ITGA9: variants seen among roughly 807,000 people sequenced by gnomAD.
ITGA9 encodes integrin alpha-9.
In ITGA9, 56 loss-of-function variants were observed where a neutral mutation model predicts 127.8. That is an observed-to-expected ratio of 0.44 (90% confidence interval 0.35 to 0.55). The LOEUF is 0.55. Ranked by LOEUF, ITGA9 falls within the 20% of genes least tolerant of loss-of-function variation. The probability of loss-of-function intolerance (pLI) is 0.00; values close to 1 mark genes in which losing one functional copy is unlikely to be tolerated. For synonymous variants in ITGA9, 508 were observed against 514.5 expected, an observed-to-expected ratio of 0.99 and a Z score of 0.17; for missense variants, 1,196 against 1,347.1, an observed-to-expected ratio of 0.89 and a Z score of 1.76.
At chr3:37,711,251 T>C (rs1008485558) in intron 18 of ITGA9, among the ~76,000 whole-genome samples, 4 of 152,166 alleles carry the variant, frequency 2.6e-5, no homozygotes, top group Non-Finnish European at 4.4e-5. Context: ...GGGGCCTCAG[T>C]TCTTCAGTTC....
chr3:37,792,203 A>G (rs1185119830), intron 26 of ITGA9, among the ~76,000 whole-genome samples: 11 of 152,180 alleles, frequency 7.2e-5, no homozygotes, highest in Non-Finnish European at 1.5e-4. Flanking sequence ...ATATTTTCTA[A>G]TGGTCATCAT....
chr3:37,576,442 C>T (rs981919882), intron 15 of ITGA9, among the ~76,000 whole-genome samples: 9 of 152,150 alleles, frequency 5.9e-5, no homozygotes, highest in African/African-American at 2.2e-4. Flanking sequence ...TGAGAGATTT[C>T]AGTTACAACA....
chr3:37,596,315 C>T (rs1467237256), intron 15 of ITGA9, among the ~76,000 whole-genome samples: 1 of 152,142 alleles, frequency 6.6e-6, no homozygotes, highest in Non-Finnish European at 1.5e-5. Context: ...TTATCAACAT[C>T]GAAGGTACAG....
chr3:37,622,722 G>A (rs1700139543), intron 15 of ITGA9, among the ~76,000 whole-genome samples: 1 of 151,938 alleles, frequency 6.6e-6, no homozygotes, highest in African/African-American at 2.4e-5. Context: ...GTGTGTGCCT[G>A]AATTCCCAGC....
intron 17 of ITGA9, among the ~76,000 whole-genome samples, chr3:37,660,782 C>T (rs1700526279): frequency 6.6e-6 from 1 of 152,220 alleles, no homozygotes; most frequent in Admixed American, 6.5e-5. Context: ...TCAGCTGGAC[C>T]TTGGCTGATT....
intron 15 of ITGA9, among the ~76,000 whole-genome samples, chr3:37,557,712 T>G (rs1214333046): frequency 6.6e-6 from 1 of 152,222 alleles, no homozygotes; most frequent in African/African-American, 2.4e-5. Context: ...ATGCTACATG[T>G]TTTACATGTA....
rs193160476 is a variant in ITGA9, at chr3:37,613,184, A to G, written c.1690-16003A>G. 6.4e-3 allele frequency among the ~76,000 whole-genome samples: 965 copies of G among 150,026 alleles called. 5 individuals are homozygous for G. Among genetic ancestry groups the G allele is most frequent in the Non-Finnish European group, 9.8e-3 (666 of 67,718 alleles). Reference sequence around the variant, plus strand: ...TGTGTCCATGTGTTCTCATTGTTCAATTCCCACATATGAGTGAGAACATGC... The same window carrying G: ...TGTGTCCATGTGTTCTCATTGTTCAGTTCCCACATATGAGTGAGAACATGC... On this transcript the variant is annotated intron_variant, in intron 15 of 27. Transcript: ENST00000264741.
At chr3:37,472,825 CT>C (rs1210880431) in intron 2 of ITGA9, among the ~76,000 whole-genome samples, 3 of 152,138 alleles carry the variant, frequency 2.0e-5, no homozygotes, top group Non-Finnish European at 2.9e-5. Flanking sequence ...AATCAAGGCC[CT>C]GCCTCTTTCC....
At chr3:37,684,558 C>A in intron 18 of ITGA9, among the ~76,000 whole-genome samples, 1 of 152,210 alleles carries the variant, frequency 6.6e-6, no homozygotes, top group Non-Finnish European at 1.5e-5. Context: ...TCACTGCAAC[C>A]TCCACCTCCT....
At chr3:37,571,206 G>A (rs1559539465) in intron 15 of ITGA9, among the ~76,000 whole-genome samples, 1 of 146,306 alleles carries the variant, frequency 6.8e-6, no homozygotes, top group Non-Finnish European at 1.5e-5. Context: ...GAGATCTACT[G>A]GAGGCAGCGT....
chr3:37,646,077 C>T (rs1448670636), intron 16 of ITGA9, among the ~76,000 whole-genome samples: 1 of 152,212 alleles, frequency 6.6e-6, no homozygotes, highest in Non-Finnish European at 1.5e-5. Context: ...TCATTGAAAT[C>T]TTTTTTTTCC....
rs536123542 is a variant in ITGA9 at position 37,787,346 on chromosome 3, G to A, written c.2889+2268G>A. The stretch of plus-strand genomic sequence containing the variant: ...TTATAGGACTAGACTGTGGGATCCA[G>A]GAAAATGTTGCTTAACATCTCGTTG... On this transcript the variant is annotated intron_variant, in intron 26 of 27. Coordinates refer to ENST00000264741, the MANE Select transcript of ITGA9 (RefSeq NM_002207.3). 1.9e-4 allele frequency among the ~76,000 whole-genome samples: 29 copies of A among 152,238 alleles called. No homozygotes were observed. In the South Asian group the frequency reaches 5.2e-3, roughly 27 times the overall value.
Position 37,822,072 on chromosome 3 carries a change from C to T in ITGA9, c.*3083C>T, listed in dbSNP as rs1005663125. On this transcript the variant is annotated 3_prime_UTR_variant, in exon 28 of 28. Transcript: ENST00000264741. ...GGGAAGCAGATGGGGTGGATCAGTA[C>T]ATCTGTGTTACCCTTCCAGAATATT... 3 of 152,118 alleles carry T rather than the reference C, an allele frequency of 2.0e-5. No individual in the cohort carries two copies. The highest frequency in any genetic ancestry group is 4.4e-5 in the Non-Finnish European group (3 of 68,024). The allele number at this position is 152,118 out of a possible 1,614,324, so 9.4% of individuals were successfully genotyped here.
In ITGA9 at chr3:37,819,621, A is replaced by G. The variant is rs1697486777; in HGVS notation, c.*632A>G. 2 of 153,544 alleles carry G rather than the reference A, an allele frequency of 1.3e-5. No individual in the cohort carries two copies. The highest frequency in any genetic ancestry group is 4.1e-4 in the South Asian group (2 of 4,900). The allele number at this position is 153,544 out of a possible 1,614,324, so 9.5% of individuals were successfully genotyped here. Reference sequence around the variant, plus strand: ...TATCGCCTCGATCAAGTGTGGAGTCACATGCTAATGTGTGCTAAAGAACTG... The same window carrying G: ...TATCGCCTCGATCAAGTGTGGAGTCGCATGCTAATGTGTGCTAAAGAACTG... On this transcript the variant is annotated 3_prime_UTR_variant, in exon 28 of 28. Coordinates refer to ENST00000264741, the MANE Select transcript of ITGA9 (RefSeq NM_002207.3).
At chr3:37,558,058 G>T (rs535352951) in intron 15 of ITGA9, among the ~76,000 whole-genome samples, 29 of 152,306 alleles carry the variant, frequency 1.9e-4, no homozygotes, top group Admixed American at 1.1e-3. Context: ...GGTTTCTCCT[G>T]GTCTTGGACG....
chr3:37,670,427 G>T (rs1482455167), intron 17 of ITGA9, among the ~76,000 whole-genome samples: 1 of 152,170 alleles, frequency 6.6e-6, no homozygotes, highest in African/African-American at 2.4e-5. Flanking sequence ...TTAACCTGGA[G>T]TCTATGTCCT....
intron 16 of ITGA9, among the ~76,000 whole-genome samples, chr3:37,640,339 T>G (rs1256587882): frequency 6.6e-6 from 1 of 152,084 alleles, no homozygotes; most frequent in African/African-American, 2.4e-5. Flanking sequence ...ATGCCTTTGC[T>G]GATGTTGAAG....
intron 18 of ITGA9, among the ~76,000 whole-genome samples, chr3:37,713,562 C>G (rs557063449): frequency 1.9e-4 from 29 of 152,220 alleles, no homozygotes; most frequent in African/African-American, 6.7e-4. Flanking sequence ...AAAGTCTGAG[C>G]GTGGAACTGA....
At chr3:37,601,503 A>G (rs1041193496) in intron 15 of ITGA9, among the ~76,000 whole-genome samples, 9 of 152,230 alleles carry the variant, frequency 5.9e-5, no homozygotes, top group Non-Finnish European at 1.2e-4. Flanking sequence ...TAAACACTCC[A>G]TGAACTGTTG....
Sources: allele counts gnomAD v4.1 joint callset (sites outside exome capture counted in the v4.1 genomes callset), GRCh38; gene constraint gnomAD v4.1.1; transcripts MANE v1.5; gene names NCBI Gene and HGNC (gene_info 2026-07-23, HGNC 2026-07-21).